Variants in PRH1 observed in about 807,000 individuals in gnomAD.
The protein encoded by PRH1 is salivary acidic proline-rich phosphoprotein 1/2.
In PRH1, 7 loss-of-function variants were observed where a neutral mutation model predicts 7.9. The observed-to-expected ratio is 0.89, with a 90% CI of 0.50 to 1.67. The LOEUF (loss-of-function observed/expected upper bound fraction) is 1.67, where lower values mean the gene tolerates loss of function less well. Among genes scored for constraint, PRH1 ranks in the 40% most tolerant of loss-of-function variants. The pLI is 0.00. For synonymous variants in PRH1, 45 were observed against 80.8 expected (o/e 0.56, Z 2.38); for missense variants, 109 against 223.6 (o/e 0.49, Z 3.27).
chr12:11,120,964 G>C (rs2597939), exon 2 of PRH1: 70,836 of 154,724 alleles, frequency 0.46, 17,071 homozygotes, highest in Non-Finnish European at 0.53. Context: ...ATTTCTAAAT[G>C]ATCAAGATTG....
chr12:10,962,310 C>T (rs893967810), intron 2 of PRH1, among the ~76,000 whole-genome samples: 3 of 152,056 alleles, frequency 2.0e-5, no homozygotes, highest in Admixed American at 2.0e-4. Context: ...TACATAATAA[C>T]CAGCTAGAAA....
intron 1 of PRH1, chr12:10,986,323 T>G: frequency 6.2e-7 from 1 of 1,614,006 alleles, no homozygotes; most frequent in Non-Finnish European, 8.5e-7. Context: ...CATAGGGTAG[T>G]TACAGTCAAA....
chr12:11,030,512 T>C, intron 1 of PRH1: 5 of 1,614,232 alleles, frequency 3.1e-6, no homozygotes, highest in African/African-American at 1.3e-5. Flanking sequence ...GATGAATGGG[T>C]GGATTGAAGG....
At chr12:11,157,984 G>A (rs1286220064) in intron 1 of PRH1, among the ~76,000 whole-genome samples, 1 of 152,092 alleles carries the variant, frequency 6.6e-6, no homozygotes, top group Non-Finnish European at 1.5e-5. Context: ...ACCATTCTCT[G>A]CATCAGGGCT....
At chr12:11,030,774 A>C (rs1356852469) in intron 1 of PRH1, 1 of 1,614,210 alleles carries the variant, frequency 6.2e-7, no homozygotes, top group South Asian at 1.1e-5. Flanking sequence ...GTCAGAGTGA[A>C]GGGCACTAAG....
chr12:11,169,470 G>A (rs1947743567), intron 1 of PRH1, among the ~76,000 whole-genome samples: 1 of 152,156 alleles, frequency 6.6e-6, no homozygotes, highest in South Asian at 2.1e-4. Context: ...CATGTTATCA[G>A]TGGGTGGCTG....
At chr12:10,918,573 C>T (rs1173202965) in intron 2 of PRH1, among the ~76,000 whole-genome samples, 2 of 152,138 alleles carry the variant, frequency 1.3e-5, no homozygotes, top group Non-Finnish European at 2.9e-5. Flanking sequence ...TCTATATAAA[C>T]ATTTAAGACT....
chr12:11,065,158 G>A (rs549614295), intron 1 of PRH1, among the ~76,000 whole-genome samples: 13 of 152,148 alleles, frequency 8.5e-5, no homozygotes, highest in Admixed American at 2.0e-4. Flanking sequence ...TGATTCCATT[G>A]AATTCTAGCT....
At chr12:10,943,122 A>AT (rs1372408735) in intron 2 of PRH1, among the ~76,000 whole-genome samples, 1 of 151,954 alleles carries the variant, frequency 6.6e-6, no homozygotes, top group African/African-American at 2.4e-5. Flanking sequence ...GCATTTCCTG[A>AT]TTTTTTTCTG....
chr12:10,936,907 T>C (rs1283476727), intron 2 of PRH1, among the ~76,000 whole-genome samples: 1 of 152,144 alleles, frequency 6.6e-6, no homozygotes. Flanking sequence ...AGATTGGTTA[T>C]TAGCATTTTC....
intron 2 of PRH1, among the ~76,000 whole-genome samples, chr12:10,927,981 T>C (rs1950146672): frequency 6.6e-6 from 1 of 152,228 alleles, no homozygotes; most frequent in South Asian, 2.1e-4. Flanking sequence ...TAATAGTTTA[T>C]TGTCCAATTG....
intron 1 of PRH1, among the ~76,000 whole-genome samples, chr12:11,164,743 CA>C (rs11292777): frequency 0.46 from 68,802 of 148,476 alleles, 16,382 homozygotes; most frequent in Non-Finnish European, 0.53. Flanking sequence ...TGAGGCTTCT[CA>C]AAAAAAAAAA....
intron 1 of PRH1, chr12:11,078,173 TG>T: frequency 1.9e-6 from 1 of 531,280 alleles, no homozygotes. Flanking sequence ...ATGAAGCCAT[TG>T]GAAAAATTTC....
intron 1 of PRH1, among the ~76,000 whole-genome samples, chr12:11,032,655 A>G (rs531727649): frequency 1.3e-5 from 2 of 152,286 alleles, no homozygotes; most frequent in African/African-American, 4.8e-5. Context: ...TTTATCAAAA[A>G]CATTATCTCT....
intron 1 of PRH1, among the ~76,000 whole-genome samples, chr12:10,989,987 A>C (rs1364076914): frequency 6.6e-6 from 1 of 152,202 alleles, no homozygotes; most frequent in Non-Finnish European, 1.5e-5. Context: ...ATGGCTTCTG[A>C]AAATATACGG....
At chr12:11,139,908 G>A (rs1946657276) in intron 1 of PRH1, among the ~76,000 whole-genome samples, 1 of 151,896 alleles carries the variant, frequency 6.6e-6, no homozygotes, top group African/African-American at 2.4e-5. Flanking sequence ...TCCAAAATAA[G>A]TAACGTAAGA....
At chr12:10,898,325 C>T (rs1021270091) in intron 2 of PRH1, among the ~76,000 whole-genome samples, 2 of 152,028 alleles carry the variant, frequency 1.3e-5, no homozygotes, top group Non-Finnish European at 2.9e-5. Flanking sequence ...TTGGACAGCC[C>T]ACCAAAAGAT....
chr12:10,882,093 A>G, intron 3 of PRH1, 124 bp downstream of exon 3: 3 of 1,522,308 alleles, frequency 2.0e-6, no homozygotes, highest in Admixed American at 2.2e-5. Context: ...TCTGAATAAC[A>G]ATTTTTAGAA....
Position 11,080,838 on chromosome 12 carries a change from G to A in PRH1, n.124-33650C>T, listed in dbSNP as rs1336146034. On this transcript the variant is annotated intron_variant and non_coding_transcript_variant, in intron 1 of 4. Transcript: ENST00000541977. ...AACACACTGAAGACATGATTCCCATGATTCCATTGCATTCCTGCTTCCATA... is the reference window on the plus strand; with the variant it reads ...AACACACTGAAGACATGATTCCCATAATTCCATTGCATTCCTGCTTCCATA... 2.9e-5 allele frequency among the ~76,000 whole-genome samples: 3 copies of A among 103,070 alleles called. 1 individual carries two copies. The highest frequency in any genetic ancestry group is 9.1e-5 in the African/African-American group (3 of 33,140). 67.6% of individuals were successfully genotyped at this position (103,070 alleles called of 152,430 possible). A position where few individuals can be genotyped will look rare whatever the true frequency, so the allele number is the denominator to read the frequency against.
Sources: gnomAD v4.1 joint callset for allele counts (sites outside exome capture counted in the v4.1 genomes callset) on GRCh38, gnomAD v4.1.1 for gene constraint, MANE v1.5 for transcripts, NCBI Gene and HGNC (gene_info 2026-07-23, HGNC 2026-07-21) for gene names.